Variants in SLC17A8 observed in about 807,000 individuals in gnomAD.
The protein encoded by SLC17A8 is vesicular glutamate transporter 3.
A neutral mutation model predicts 58.0 loss-of-function variants in SLC17A8; 31 were observed. The ratio of observed to expected loss-of-function variants is 0.53; its 90% CI spans 0.40 to 0.72. The LOEUF (loss-of-function observed/expected upper bound fraction) is 0.72, where lower values mean the gene tolerates loss of function less well. SLC17A8 is among the 30% of genes least tolerant of loss of function. SLC17A8 has a pLI of 0.00. For synonymous variants in SLC17A8, 228 were observed against 249.0 expected (o/e 0.92, Z 0.79); for missense variants, 655 against 727.8 (o/e 0.90, Z 1.15).
intron 11 of SLC17A8, among the ~76,000 whole-genome samples, 163 bp from the exon 12 acceptor site, chr12:100,419,652 A>G (rs766716079): frequency 9.9e-5 from 15 of 151,880 alleles, no homozygotes; most frequent in African/African-American, 1.9e-4. Flanking sequence ...ATTTGGTTTG[A>G]ATCCCGGATG....
In SLC17A8 at chr12:100,420,092, C is replaced by T. The variant is rs749785590; in HGVS notation, c.1703C>T (p.Ala568Val). 2.0e-5 allele frequency: 33 copies of T among 1,613,856 alleles called. No homozygotes were observed. Among genetic ancestry groups the T allele is most frequent in the South Asian group, 1.3e-4 (12 of 91,038 alleles). The change falls in exon 12 of 12, where the codon GCG becomes GTG. Residue 568 changes from alanine to valine, a missense_variant. Physicochemically the swap from Ala to Val is moderately conservative, Grantham distance 64. Coordinates refer to ENST00000323346, the MANE Select transcript of SLC17A8 (RefSeq NM_139319.3). ...AAGGAATGGAAAGGACAGAGAGGAG[C>T]GACCCTTGATGAGGAAGAGCTGACA... ...QKKEWKGQRG[A>V]TLDEEELTSY...
chr12:100,395,745 T>A (rs1375905731), intron 4 of SLC17A8, among the ~76,000 whole-genome samples: 1 of 152,134 alleles, frequency 6.6e-6, no homozygotes, highest in African/African-American at 2.4e-5. Flanking sequence ...CCCAAGTAGT[T>A]GGGATTACAG....
intron 9 of SLC17A8, among the ~76,000 whole-genome samples, chr12:100,409,962 T>A (rs1952854909): frequency 6.6e-6 from 1 of 152,196 alleles, no homozygotes; most frequent in Admixed American, 6.5e-5. Flanking sequence ...ATGGAGCTCA[T>A]GACAAACACG....
chr12:100,387,503 G>A (rs777503181), intron 2 of SLC17A8, among the ~76,000 whole-genome samples: 1 of 152,166 alleles, frequency 6.6e-6, no homozygotes, highest in African/African-American at 2.4e-5. Context: ...TCTTCTTCAT[G>A]TATTATTTCT....
In SLC17A8 at chr12:100,374,430, G is replaced by A. The variant is rs139747561; in HGVS notation, c.102-6271G>A. Among the ~76,000 whole-genome samples, 947 of 152,182 alleles carry A rather than the reference G, an allele frequency of 6.2e-3. 12 individuals are homozygous for A. Among genetic ancestry groups the A allele is most frequent in the African/African-American group, 0.021 (883 of 41,532 alleles). ...AGTTCCACACCAGCCTGGCCAACACGCTGAAACCCTGTCTCTACTAAAAAT... is the reference window on the plus strand; with the variant it reads ...AGTTCCACACCAGCCTGGCCAACACACTGAAACCCTGTCTCTACTAAAAAT... On this transcript the variant is annotated intron_variant, in intron 1 of 11. Coordinates refer to ENST00000323346, the MANE Select transcript of SLC17A8 (RefSeq NM_139319.3).
At chr12:100,402,539 T>A in intron 7 of SLC17A8, 57 bp from the exon 8 acceptor site, 2 of 1,612,970 alleles carry the variant, frequency 1.2e-6, no homozygotes, top group Non-Finnish European at 1.7e-6. Context: ...TGTTGCCTTC[T>A]TACAGAAAAA....
At chr12:100,407,451 C>T (rs1021555649) in intron 9 of SLC17A8, among the ~76,000 whole-genome samples, 8 of 152,078 alleles carry the variant, frequency 5.3e-5, no homozygotes, top group Admixed American at 1.3e-4. Flanking sequence ...TGTTTAATTG[C>T]TAACAAAGTG....
chr12:100,362,810 C>T (rs1200748301), intron 1 of SLC17A8, among the ~76,000 whole-genome samples: 1 of 152,114 alleles, frequency 6.6e-6, no homozygotes, highest in Non-Finnish European at 1.5e-5. Flanking sequence ...CCCTCCTCTC[C>T]ACCCCTTTTT....
chr12:100,361,893 A>G (rs1033303839), intron 1 of SLC17A8, among the ~76,000 whole-genome samples: 1 of 151,364 alleles, frequency 6.6e-6, no homozygotes. Flanking sequence ...TCCGGGAGGC[A>G]GAGGTTGCAG....
At chr12:100,366,055 T>C (rs1952518694) in intron 1 of SLC17A8, among the ~76,000 whole-genome samples, 1 of 133,910 alleles carries the variant, frequency 7.5e-6, no homozygotes, top group Admixed American at 7.2e-5. Context: ...CCCTTCTTTT[T>C]TTTTTTTTTT....
chr12:100,418,055 G>GC lies in SLC17A8; in HGVS notation c.1328dup (p.Arg444ThrfsTer35), dbSNP rs1402909441. On this transcript the variant is annotated frameshift_variant, in exon 11 of 12. Coordinates refer to ENST00000323346, the MANE Select transcript of SLC17A8 (RefSeq NM_139319.3). LOFTEE classifies it high-confidence loss of function. The stretch of plus-strand genomic sequence containing the variant: ...TTTTAATGTCAACCACCTGGACATT[G>GC]CCCCACGCTATGCCAGCATTCTCAT... 5 of 1,614,038 alleles carry GC rather than the reference G, an allele frequency of 3.1e-6. No individual in the cohort carries two copies. In the African/African-American group the frequency reaches 5.3e-5, roughly 17 times the overall value.
rs1952452554 is a variant in SLC17A8, at chr12:100,357,225, A to T, written c.-167A>T. 1.5e-6 allele frequency: 1 copy of T among 648,650 alleles called. No homozygotes were observed. The allele number at this position is 648,650 out of a possible 1,614,324, so 40.2% of individuals were successfully genotyped here. ...GGAGGGAGTTGTCTTATCTTGGAAG[A>T]TCCGAGCTGGGTTTCATCTCCTTTT... is the stretch of plus-strand genomic sequence containing the variant. On this transcript the variant is annotated 5_prime_UTR_variant, in exon 1 of 12. Coordinates refer to ENST00000323346, the MANE Select transcript of SLC17A8 (RefSeq NM_139319.3).
intron 5 of SLC17A8, among the ~76,000 whole-genome samples, chr12:100,399,040 T>G (rs778322347): frequency 2.6e-5 from 4 of 151,916 alleles, no homozygotes; most frequent in Admixed American, 2.0e-4. Context: ...TGGGTTTGTC[T>G]TTATCAGCAG....
At position 100,363,618 on chromosome 12, in the gene SLC17A8, G is replaced by A. The variant is rs1314638349; in HGVS notation, c.101+6126G>A. 2.0e-5 allele frequency among the ~76,000 whole-genome samples: 3 copies of A among 151,964 alleles called. No homozygotes were observed. In the East Asian group the frequency reaches 5.8e-4, roughly 30 times the overall value. On this transcript the variant is annotated intron_variant, in intron 1 of 11. Coordinates refer to ENST00000323346, the MANE Select transcript of SLC17A8 (RefSeq NM_139319.3). ...TGACTTCAAATGATCCACCCGCCTT[G>A]GCCTCCCAAAATGCTGGCGTTACAG...
intron 3 of SLC17A8, among the ~76,000 whole-genome samples, 163 bp from the exon 4 acceptor site, chr12:100,393,206 C>T (rs997021510): frequency 2.0e-5 from 3 of 152,184 alleles, no homozygotes; most frequent in African/African-American, 7.2e-5. Flanking sequence ...TCAGGTGATC[C>T]ACCCACCTCA....
chr12:100,415,451 TAGAC>T (rs1172928230), intron 10 of SLC17A8, among the ~76,000 whole-genome samples: 62 of 114,364 alleles, frequency 5.4e-4, no homozygotes, highest in African/African-American at 1.9e-3. Context: ...AAAAAAAAAA[TAGAC>T]AGGGTCTCGC....
At chr12:100,398,245 T>C (rs1005298708) in intron 5 of SLC17A8, among the ~76,000 whole-genome samples, 1 of 152,210 alleles carries the variant, frequency 6.6e-6, no homozygotes, top group Non-Finnish European at 1.5e-5. Flanking sequence ...TGTCTTTACA[T>C]ATTCAGTGTC....
intron 1 of SLC17A8, among the ~76,000 whole-genome samples, chr12:100,362,582 T>A (rs1952491725): frequency 6.6e-6 from 1 of 152,100 alleles, no homozygotes; most frequent in African/African-American, 2.4e-5. Flanking sequence ...CTAGCAGCTC[T>A]GGAAGTAGAA....
In SLC17A8 at chr12:100,391,067, A is replaced by G. The variant is rs1471410683; in HGVS notation, c.421A>G (p.Ile141Val). ...CCATGGATCTTTTTTCTGGGGCTAT[A>G]TTATGACACAAATTCCAGGTGGTTT... ...LIHGSFFWGY[I>V]MTQIPGGFIS... The change falls in exon 3 of 12, where the codon ATT (isoleucine) becomes GTT (valine). Residue 141 changes from isoleucine to valine, a missense_variant. By Grantham distance (29) the Ile-to-Val change is conservative (BLOSUM62 3). Transcript: ENST00000323346. The G allele has an allele frequency of 1.2e-6, 2 of 1,613,984 alleles. No homozygotes were observed. Among genetic ancestry groups the G allele is most frequent in the Non-Finnish European group, 1.7e-6 (2 of 1,179,924 alleles).
Sources: allele counts gnomAD v4.1 joint callset (sites outside exome capture counted in the v4.1 genomes callset), GRCh38; gene constraint gnomAD v4.1.1; transcripts MANE v1.5; gene names NCBI Gene and HGNC (gene_info 2026-07-23, HGNC 2026-07-21).